The following INO80 variants were observed in gnomAD, a reference collection of about 807,000 sequenced individuals.
INO80 encodes INO80 complex ATPase subunit, also known as chromatin-remodeling ATPase INO80.
In INO80, 20 loss-of-function variants were observed where a neutral mutation model predicts 203.4. That is an observed-to-expected ratio of 0.10 (90% CI 0.07 to 0.14). The LOEUF (loss-of-function observed/expected upper bound fraction) is 0.14. Among genes scored for constraint, INO80 ranks in the 10% least tolerant of loss-of-function variants. INO80 has a pLI of 1.00. For synonymous variants in INO80, 726 were observed against 685.2 expected (o/e 1.06, Z -0.93); for missense variants, 1,419 against 1,914.4 (o/e 0.74, Z 4.83).
intron 1 of INO80, among the ~76,000 whole-genome samples, chr15:41,100,364 G>A (rs1367074790): frequency 1.3e-5 from 2 of 152,260 alleles, no homozygotes; most frequent in East Asian, 3.9e-4. Context: ...GTGAGCCACT[G>A]TGCCCGGCCA....
At chr15:41,046,672 C>G (rs1228861017) in intron 23 of INO80, among the ~76,000 whole-genome samples, 1 of 152,012 alleles carries the variant, frequency 6.6e-6, no homozygotes, top group African/African-American at 2.4e-5. Flanking sequence ...GGTGGGAGCG[C>G]AGTGGAGCGA....
rs2045716913 is a variant in INO80 at position 41,095,933 on chromosome 15, A to G, written c.144-5T>C. ...AGTCCATCTTCACTGTCATCACTAT[A>G]AATTGAAGAATGAGTCCACAATTAC... On this transcript the variant is annotated splice_polypyrimidine_tract_variant and splice_region_variant and intron_variant, in intron 2 of 35. Transcript: ENST00000648947. 3.7e-6 allele frequency: 6 copies of G among 1,612,250 alleles called. No individual in the cohort carries two copies. Among genetic ancestry groups the G allele is most frequent in the Non-Finnish European group, 5.1e-6 (6 of 1,178,590 alleles).
At chr15:41,099,473 G>C (rs2045775687) in intron 1 of INO80, among the ~76,000 whole-genome samples, 2 of 151,788 alleles carry the variant, frequency 1.3e-5, no homozygotes, top group Admixed American at 6.6e-5. Context: ...GTAATATAAA[G>C]AAAAAAGAAT....
chr15:41,014,381 T>C (rs1033554421), intron 27 of INO80, among the ~76,000 whole-genome samples: 3 of 152,212 alleles, frequency 2.0e-5, no homozygotes, highest in Non-Finnish European at 4.4e-5. Context: ...AAAGTGCACT[T>C]TACCTAAAAA....
At chr15:41,108,671 A>C (rs1466193628) in intron 1 of INO80, among the ~76,000 whole-genome samples, 2 of 152,056 alleles carry the variant, frequency 1.3e-5, no homozygotes, top group Admixed American at 1.3e-4. Context: ...GGGTCTCACT[A>C]GTTCCACTGT....
chr15:41,107,543 T>G (rs899624513), intron 1 of INO80, among the ~76,000 whole-genome samples: 3 of 152,052 alleles, frequency 2.0e-5, no homozygotes, highest in Non-Finnish European at 4.4e-5. Context: ...CTCATGCCTA[T>G]AATCCCAGCA....
At position 40,979,965 on chromosome 15, in the gene INO80, G is replaced by A; in HGVS notation, c.*258C>T. On this transcript the variant is annotated 3_prime_UTR_variant, in exon 36 of 36. Transcript: ENST00000648947. ...TTGCCCCGTGAGAGGTTTAAGACTT[G>A]GCTATACAGTTCACTTGAGATGCAG... 3.8e-6 allele frequency: 2 copies of A among 528,336 alleles called. No homozygotes were observed. The highest frequency in any genetic ancestry group is 2.1e-5 in the South Asian group (1 of 48,354). The allele number at this position is 528,336 out of a possible 1,614,324, so 32.7% of individuals were successfully genotyped here. A position where few individuals can be genotyped will look rare whatever the true frequency, so the allele number is the denominator to read the frequency against.
intron 9 of INO80, among the ~76,000 whole-genome samples, chr15:41,077,443 CT>C (rs1190012216): frequency 1.3e-5 from 2 of 150,428 alleles, no homozygotes; most frequent in Non-Finnish European, 2.9e-5. Context: ...CTCTTTAAAG[CT>C]TTATAGCACT....
intron 1 of INO80, among the ~76,000 whole-genome samples, chr15:41,102,280 CTTTA>C (rs1002739915): frequency 2.5e-4 from 38 of 152,008 alleles, no homozygotes; most frequent in African/African-American, 6.8e-4. Context: ...GTGTAAGTTA[CTTTA>C]TTTATGTTTC....
intron 26 of INO80, chr15:41,019,695 G>A (rs2044260800): frequency 6.6e-6 from 1 of 152,218 alleles, no homozygotes; most frequent in Non-Finnish European, 1.5e-5. Context: ...CTCACTGCAT[G>A]TGCTTTAAGT....
chr15:41,092,209 T>C (rs748251586), intron 4 of INO80, 27 bp from the exon 5 acceptor site: 4 of 1,554,806 alleles, frequency 2.6e-6, no homozygotes, highest in Non-Finnish European at 3.5e-6. Flanking sequence ...TAGAAATGTA[T>C]CTTTTGCTGT....
intron 24 of INO80, among the ~76,000 whole-genome samples, chr15:41,038,015 T>TC (rs1351142712): frequency 4.3e-4 from 57 of 131,146 alleles, no homozygotes; most frequent in Non-Finnish European, 6.4e-4. Context: ...CCTTTTCTTT[T>TC]TTTTTTTTTT....
At chr15:41,101,528 A>C (rs2045806807) in intron 1 of INO80, among the ~76,000 whole-genome samples, 1 of 151,378 alleles carries the variant, frequency 6.6e-6, no homozygotes, top group Admixed American at 6.6e-5. Context: ...TGAGTCACCA[A>C]CACAAACAGA....
At chr15:41,019,593 G>A (rs905327222) in intron 26 of INO80, 13 of 152,126 alleles carry the variant, frequency 8.5e-5, no homozygotes, top group African/African-American at 2.7e-4. Flanking sequence ...TTTCAATAAC[G>A]GTGCTCATCT....
At chr15:41,026,093 C>G (rs2044370986) in intron 25 of INO80, among the ~76,000 whole-genome samples, 2 of 152,280 alleles carry the variant, frequency 1.3e-5, no homozygotes, top group South Asian at 4.2e-4. Flanking sequence ...GAGCAGCAGA[C>G]AGAAATCTAG....
At chr15:40,992,342 C>T (rs939232468) in intron 29 of INO80, among the ~76,000 whole-genome samples, 2 of 152,206 alleles carry the variant, frequency 1.3e-5, no homozygotes, top group Non-Finnish European at 1.5e-5. Flanking sequence ...AATGCAAAGA[C>T]AACCCTACTT....
rs1374112179 is a variant in INO80, at chr15:41,096,365, A to C, written c.-43-12T>G. Reference sequence around the variant, plus strand: ...CTCCGACTGCACGGCTGCAGAACAGAGATAAGAAGTGAAAGATGAAATTAC... The same window carrying C: ...CTCCGACTGCACGGCTGCAGAACAGCGATAAGAAGTGAAAGATGAAATTAC... On this transcript the variant is annotated splice_polypyrimidine_tract_variant and intron_variant, in intron 1 of 35. Transcript: ENST00000648947. 3.4e-6 allele frequency: 5 copies of C among 1,484,500 alleles called. No homozygotes were observed. The highest frequency in any genetic ancestry group is 5.2e-5 in the Admixed American group (2 of 38,404). The allele number at this position is 1,484,500 out of a possible 1,614,324, so 92.0% of individuals were successfully genotyped here.
chr15:41,034,829 T>A lies in INO80; in HGVS notation c.2908-7093A>T, dbSNP rs560484195. ...GAATCTGGGTTCAACTTGCATACTC[T>A]TCCATTAAAACCTTGAAACATAATT... On this transcript the variant is annotated intron_variant, in intron 24 of 35. Coordinates refer to ENST00000648947, the MANE Select transcript of INO80 (RefSeq NM_017553.3). 2.6e-5 allele frequency among the ~76,000 whole-genome samples: 4 copies of A among 152,352 alleles called. No homozygotes were observed. The East Asian group carries it at 7.7e-4, about 29-fold the overall frequency.
intron 29 of INO80, among the ~76,000 whole-genome samples, chr15:40,995,193 G>A (rs770610289): frequency 2.0e-5 from 3 of 152,120 alleles, no homozygotes; most frequent in Non-Finnish European, 4.4e-5. Flanking sequence ...CATTGTTGAG[G>A]CCAAAGTCTA....
Sources: gnomAD v4.1 joint callset for allele counts (sites outside exome capture counted in the v4.1 genomes callset) on GRCh38, gnomAD v4.1.1 for gene constraint, MANE v1.5 for transcripts, NCBI Gene and HGNC (gene_info 2026-07-23, HGNC 2026-07-21) for gene names.